Variants in GGT5 observed in about 807,000 individuals in gnomAD.
GGT5 encodes the protein gamma-glutamyltransferase 5.
A neutral mutation model predicts 58.1 loss-of-function variants in GGT5; 50 were observed. The ratio of observed to expected loss-of-function variants is 0.86; its 90% CI spans 0.69 to 1.09. The LOEUF (loss-of-function observed/expected upper bound fraction) is 1.09. Ranked by LOEUF, GGT5 falls within the 50% of genes least tolerant of loss-of-function variation. The pLI is 0.00. For synonymous variants in GGT5, 370 were observed against 346.1 expected (o/e 1.07, Z -0.77); for missense variants, 800 against 789.4 (o/e 1.01, Z -0.16).
chr22:24,234,192 C>T (rs1478147902), intron 1 of GGT5, among the ~76,000 whole-genome samples, 188 bp from the exon 2 acceptor site: 3 of 152,252 alleles, frequency 2.0e-5, no homozygotes, highest in African/African-American at 7.2e-5. Flanking sequence ...GTCCACAACA[C>T]ACTACGGTTG....
At chr22:24,227,447 G>A (rs1294750236) in intron 6 of GGT5, among the ~76,000 whole-genome samples, 1 of 151,920 alleles carries the variant, frequency 6.6e-6, no homozygotes, top group Non-Finnish European at 1.5e-5. Flanking sequence ...GTGTTTTACT[G>A]TGTTGGCCAG....
intron 11 of GGT5, chr22:24,220,729 C>G (rs766616193): frequency 4.7e-5 from 21 of 451,414 alleles, no homozygotes; most frequent in South Asian, 3.1e-4. Flanking sequence ...GACACCGTCT[C>G]TAAAAGAAAA....
intron 6 of GGT5, among the ~76,000 whole-genome samples, chr22:24,228,067 C>CAAA (rs1311445310): frequency 2.3e-5 from 2 of 88,242 alleles, no homozygotes; most frequent in Non-Finnish European, 4.2e-5. Flanking sequence ...AAAAAAAAAA[C>CAAA]AAAACAAAAA....
At chr22:24,237,264 G>A (rs894096278) in intron 1 of GGT5, among the ~76,000 whole-genome samples, 2 of 151,908 alleles carry the variant, frequency 1.3e-5, no homozygotes, top group African/African-American at 2.4e-5. Context: ...CCCACACGTG[G>A]GGTGCAGGTT....
intron 6 of GGT5, 23 bp from the exon 7 acceptor site, chr22:24,226,790 G>A (rs2047780980): frequency 1.2e-6 from 2 of 1,612,586 alleles, no homozygotes; most frequent in Non-Finnish European, 1.7e-6. Context: ...TGGGGCACAG[G>A]TTGGTTGGGG....
In GGT5 at chr22:24,232,293, G is replaced by A. The variant is rs1601404181; in HGVS notation, c.597-85C>T. 7 of 735,152 alleles carry A rather than the reference G, an allele frequency of 9.5e-6. No homozygotes were observed. The East Asian group carries it at 1.7e-4, about 18-fold the overall frequency. The allele number at this position is 735,152 out of a possible 1,614,324, so 45.5% of individuals were successfully genotyped here. The stretch of plus-strand genomic sequence containing the variant: ...GGGGCTCTCATGGGTGGAGTCCTCA[G>A]GACCCTACAGTGGGGGGCGCCCTGG... On this transcript the variant is annotated intron_variant, in intron 4 of 11. Coordinates refer to ENST00000327365, the MANE Select transcript of GGT5 (RefSeq NM_004121.5).
chr22:24,222,309 C>T (rs1164408497), intron 11 of GGT5, among the ~76,000 whole-genome samples: 2 of 152,190 alleles, frequency 1.3e-5, no homozygotes, highest in African/African-American at 4.8e-5. Context: ...GCCTGAGCTG[C>T]TGACAGGGCA....
intron 6 of GGT5, 31 bp downstream of exon 6, chr22:24,231,353 T>TGGGGGGGGGGGGGGG: frequency 1.5e-6 from 2 of 1,307,698 alleles, no homozygotes; most frequent in South Asian, 1.3e-5. Context: ...GGGGAGGGGG[T>TGGGGGGGGGGGGGGG]GGGCGCCAGG....
chr22:24,234,870 C>G (rs538958174), intron 1 of GGT5, among the ~76,000 whole-genome samples: 3 of 151,838 alleles, frequency 2.0e-5, no homozygotes, highest in Non-Finnish European at 4.4e-5. Context: ...ATGCTCTGGC[C>G]TACCCCTCCC....
Position 24,238,905 on chromosome 22 carries a change from AT to A in GGT5, c.174-4902del, listed in dbSNP as rs35924097. On this transcript the variant is annotated intron_variant, in intron 1 of 11. Transcript: ENST00000327365. Reference sequence around the variant, plus strand: ...TATTATATATTTTATATATATATATATTATATATATTATATATATAATATAT... The same window carrying A: ...TATTATATATTTTATATATATATATATATATATATTATATATATAATATAT... 2.7e-3 allele frequency among the ~76,000 whole-genome samples: 40 copies of A among 14,754 alleles called. 2 individuals carry two copies. Among genetic ancestry groups the A allele is most frequent in the South Asian group, 5.6e-3 (3 of 538 alleles). 9.7% of individuals were successfully genotyped at this position (14,754 alleles called of 152,430 possible).
At chr22:24,229,739 T>C (rs2047883913) in intron 6 of GGT5, among the ~76,000 whole-genome samples, 3 of 151,522 alleles carry the variant, frequency 2.0e-5, no homozygotes, top group South Asian at 4.2e-4. Flanking sequence ...TAATCCCAGC[T>C]ACTCAGGAGG....
intron 1 of GGT5, among the ~76,000 whole-genome samples, chr22:24,238,827 ATATATTTAT>A (rs2048205219): frequency 9.0e-5 from 1 of 11,082 alleles, no homozygotes; most frequent in Non-Finnish European, 1.4e-4. Flanking sequence ...ATATATATAT[ATATATTTAT>A]ATATATATAT....
chr22:24,231,661 C>T, intron 5 of GGT5, 131 bp from the exon 6 acceptor site: 1 of 950,400 alleles, frequency 1.1e-6, no homozygotes, highest in Non-Finnish European at 1.6e-6. Flanking sequence ...GATGGTAGGT[C>T]TGTAGGCAGT....
chr22:24,224,871 C>G, intron 11 of GGT5, 125 bp downstream of exon 11: 2 of 669,806 alleles, frequency 3.0e-6, no homozygotes, highest in East Asian at 5.4e-5. Context: ...CTCCTATGGC[C>G]CCCAAAGTTG....
rs114237372 is a variant in GGT5 at position 24,227,257 on chromosome 22, T to A, written c.902-490A>T. Among the ~76,000 whole-genome samples the A allele has an allele frequency of 5.8e-3, 877 of 151,660 alleles. 7 individuals are homozygous for A. The highest frequency in any genetic ancestry group is 0.02 in the African/African-American group (844 of 41,318). On this transcript the variant is annotated intron_variant, in intron 6 of 11. Transcript: ENST00000327365. Reference sequence around the variant, plus strand: ...AAGCCATCATGCCCCGCCTTTTTTGTGTTTTTTGGAGAGGAAGTCTTGTTC... The same window carrying A: ...AAGCCATCATGCCCCGCCTTTTTTGAGTTTTTTGGAGAGGAAGTCTTGTTC...
intron 7 of GGT5, 115 bp downstream of exon 7, chr22:24,226,516 G>T: frequency 8.4e-7 from 1 of 1,184,442 alleles, no homozygotes; most frequent in South Asian, 1.4e-5. Context: ...CCCTGGCCTA[G>T]AACCACATAC....
Position 24,238,916 on chromosome 22 carries a change from TA to T in GGT5, c.174-4913del, listed in dbSNP as rs1271117612. On this transcript the variant is annotated intron_variant, in intron 1 of 11. Coordinates refer to ENST00000327365, the MANE Select transcript of GGT5 (RefSeq NM_004121.5). ...TTATATATATATATATTATATATAT[TA>T]TATATATAATATATATTATATAATA... Among the ~76,000 whole-genome samples, 25 of 14,194 alleles carry T rather than the reference TA, an allele frequency of 1.8e-3. 2 individuals carry two copies. Among genetic ancestry groups the T allele is most frequent in the African/African-American group, 3.1e-3 (7 of 2,284 alleles). 9.3% of individuals were successfully genotyped at this position (14,194 alleles called of 152,430 possible).
intron 6 of GGT5, among the ~76,000 whole-genome samples, chr22:24,228,453 GTTTTT>G (rs61344424): frequency 7.3e-6 from 1 of 136,988 alleles, no homozygotes; most frequent in Admixed American, 7.3e-5. Flanking sequence ...TTTCAAAACA[GTTTTT>G]TTTTTTTTTT....
rs562315574 is a variant in GGT5 at position 24,225,984 on chromosome 22, C to A, written c.1229+92G>T. On this transcript the variant is annotated intron_variant, in intron 8 of 11. Coordinates refer to ENST00000327365, the MANE Select transcript of GGT5 (RefSeq NM_004121.5). ...AAAGGGCAAAAGCAAGGTGCTGCCC[C>A]GTGGGGACAAGTGAGGGGACATGGG... is the stretch of plus-strand genomic sequence containing the variant. 3.3e-5 allele frequency: 30 copies of A among 905,726 alleles called. No homozygotes were observed. In the African/African-American group the frequency reaches 3.7e-4, roughly 11 times the overall value. 56.1% of individuals were successfully genotyped at this position (905,726 alleles called of 1,614,324 possible).
Sources: allele counts gnomAD v4.1 joint callset (sites outside exome capture counted in the v4.1 genomes callset), GRCh38; gene constraint gnomAD v4.1.1; transcripts MANE v1.5; gene names NCBI Gene and HGNC (gene_info 2026-07-23, HGNC 2026-07-21).